The following DYNC2I2 variants were observed in gnomAD, a reference collection of about 807,000 sequenced individuals.
DYNC2I2 encodes the protein dynein 2 intermediate chain 2.
In DYNC2I2, 39 loss-of-function variants were observed where a neutral mutation model predicts 52.0. The ratio of observed to expected loss-of-function variants is 0.75; its 90% CI spans 0.58 to 0.98. DYNC2I2 has a LOEUF of 0.98. Among genes scored for constraint, DYNC2I2 ranks in the 50% least tolerant of loss-of-function variants. The pLI, the probability that DYNC2I2 is intolerant of heterozygous loss-of-function variation, is 0.00. For missense variants in DYNC2I2, 743 were observed against 728.4 expected, an observed-to-expected ratio of 1.02 and a Z score of -0.23; for synonymous variants, 359 against 321.1, an observed-to-expected ratio of 1.12 and a Z score of -1.26.
intron 2 of DYNC2I2, among the ~76,000 whole-genome samples, chr9:128,640,101 G>A (rs905605471): frequency 4.8e-5 from 7 of 145,154 alleles, no homozygotes; most frequent in South Asian, 2.1e-4. Flanking sequence ...TCCACCTCCC[G>A]GGCTCACGCC....
chr9:128,662,190 G>A, the DYNC2I2 span, among the ~76,000 whole-genome samples: 3 of 151,112 alleles, frequency 2.0e-5, no homozygotes, highest in African/African-American at 4.9e-5. Context: ...CCGAGATTGC[G>A]CCATTGCACT....
At chr9:128,641,069 G>T (rs1317477133) in intron 1 of DYNC2I2, 130 bp from the exon 2 acceptor site, 1 of 1,397,484 alleles carries the variant, frequency 7.2e-7, no homozygotes, top group East Asian at 2.5e-5. Flanking sequence ...GCCTCTCTCA[G>T]TGAGGTCTTG....
chr9:128,675,073 A>G, the DYNC2I2 span, among the ~76,000 whole-genome samples: 2 of 152,198 alleles, frequency 1.3e-5, no homozygotes, highest in East Asian at 3.9e-4. Flanking sequence ...CACTAAGGCT[A>G]TGTTGGTATA....
At chr9:128,675,338 C>G in the DYNC2I2 span, among the ~76,000 whole-genome samples, 2 of 152,010 alleles carry the variant, frequency 1.3e-5, no homozygotes, top group African/African-American at 4.8e-5. Flanking sequence ...CCACCATGCC[C>G]AGCCAATTTT....
chr9:128,667,763 T>C, the DYNC2I2 span, among the ~76,000 whole-genome samples: 2 of 148,568 alleles, frequency 1.3e-5, no homozygotes, highest in African/African-American at 5.0e-5. Flanking sequence ...AGAGGGAGTC[T>C]CACCCTGTTG....
chr9:128,677,300 A>C, the DYNC2I2 span, among the ~76,000 whole-genome samples: 7 of 152,210 alleles, frequency 4.6e-5, no homozygotes, highest in African/African-American at 1.7e-4. Context: ...CCTATCCAAC[A>C]TAGTGAAACT....
chr9:128,648,103 C>G (rs901729722), intron 1 of DYNC2I2, among the ~76,000 whole-genome samples: 1 of 152,172 alleles, frequency 6.6e-6, no homozygotes, highest in Non-Finnish European at 1.5e-5. Context: ...CCAGACTTCT[C>G]TGACTGAATG....
At chr9:128,668,855 G>A in the DYNC2I2 span, among the ~76,000 whole-genome samples, 1 of 150,412 alleles carries the variant, frequency 6.6e-6, no homozygotes, top group African/African-American at 2.4e-5. Context: ...GAAAGATCAA[G>A]TGCCTTGAAT....
In DYNC2I2 at chr9:128,650,433, C is replaced by T. The variant is rs1340685825; in HGVS notation, c.186+6108G>A. 3.1e-4 allele frequency among the ~76,000 whole-genome samples: 17 copies of T among 54,154 alleles called. 7 individuals carry two copies. 35.5% of individuals were successfully genotyped at this position (54,154 alleles called of 152,430 possible). On this transcript the variant is annotated intron_variant, in intron 1 of 8. Transcript: ENST00000372715. ...CCAAGCCACTGATAAAAAGGATCTG[C>T]ACCCTCAAACTCAGATCGAAAATTA...
chr9:128,651,801 G>A (rs1429479269), intron 1 of DYNC2I2: 2 of 148,972 alleles, frequency 1.3e-5, no homozygotes, highest in Admixed American at 6.7e-5. Context: ...TGTAATCCCA[G>A]CTACTCAGGA....
the DYNC2I2 span, among the ~76,000 whole-genome samples, chr9:128,675,168 T>A: frequency 1.3e-5 from 2 of 151,972 alleles, no homozygotes; most frequent in South Asian, 4.2e-4. Context: ...CTTTGAGTCT[T>A]TATTTATTTT....
rs34154610 is a variant in DYNC2I2 at position 128,649,688 on chromosome 9, C to CAAAAAAAA, written c.186+6845_186+6852dup. On this transcript the variant is annotated intron_variant, in intron 1 of 8. Coordinates refer to ENST00000372715, the MANE Select transcript of DYNC2I2 (RefSeq NM_052844.4). ...TGGGCAAGACAGTGAGACTCCATCTCAAAAAAAAAAAAAAAAAAAAACTGG... is the reference window on the plus strand; with the variant it reads ...TGGGCAAGACAGTGAGACTCCATCTCAAAAAAAAAAAAAAAAAAAAAAAAAAAAACTGG... Among the ~76,000 whole-genome samples the CAAAAAAAA allele has an allele frequency of 6.2e-3, 292 of 47,188 alleles. 23 individuals carry two copies. Among genetic ancestry groups the CAAAAAAAA allele is most frequent in the African/African-American group, 0.022 (158 of 7,300 alleles). The allele number at this position is 47,188 out of a possible 152,430, so 31.0% of individuals were successfully genotyped here. A position where few individuals can be genotyped will look rare whatever the true frequency, so the allele number is the denominator to read the frequency against.
the DYNC2I2 span, among the ~76,000 whole-genome samples, chr9:128,668,249 A>G: frequency 0.059 from 7,843 of 131,924 alleles, 349 homozygotes; most frequent in African/African-American, 0.14. Context: ...GTGAGCCACC[A>G]CGCCCGGCCA....
chr9:128,643,236 T>G (rs539684235), intron 1 of DYNC2I2, among the ~76,000 whole-genome samples: 17 of 151,624 alleles, frequency 1.1e-4, no homozygotes, highest in African/African-American at 3.9e-4. Context: ...CAATTAAAAA[T>G]TTGCCAGAAG....
chr9:128,643,636 G>A (rs754977146), intron 1 of DYNC2I2, among the ~76,000 whole-genome samples: 6 of 151,798 alleles, frequency 4.0e-5, no homozygotes, highest in Non-Finnish European at 8.8e-5. Context: ...AGGCTGCAGT[G>A]AGCAGTTGAT....
chr9:128,674,988 A>G, the DYNC2I2 span, among the ~76,000 whole-genome samples: 2 of 152,098 alleles, frequency 1.3e-5, no homozygotes, highest in Non-Finnish European at 2.9e-5. Context: ...AGGCCCCGTC[A>G]GAGCTGATCT....
rs541309511 is a variant in DYNC2I2 at position 128,634,390 on chromosome 9, G to A, written c.1215-7C>T. ...AGCGCTCAGGAAGAGATTCCTAGAC[G>A]GGATGCAGGGGGCCAGGCAAGGGAA... On this transcript the variant is annotated splice_region_variant and splice_polypyrimidine_tract_variant and intron_variant, in intron 7 of 8. Transcript: ENST00000372715. The A allele has an allele frequency of 3.8e-6, 6 of 1,567,504 alleles. No individual in the cohort carries two copies. The highest frequency in any genetic ancestry group is 2.7e-5 in the African/African-American group (2 of 73,670).
chr9:128,636,239 G>A lies in DYNC2I2; in HGVS notation c.703+42C>T, dbSNP rs73623567. ...TGTGCCCTCTGCAGGGCGGGAAGCT[G>A]AGTCCTGAGAGGAGAGGAGGCGGAC... On this transcript the variant is annotated intron_variant, in intron 4 of 8. Coordinates refer to ENST00000372715, the MANE Select transcript of DYNC2I2 (RefSeq NM_052844.4). 8.8e-5 allele frequency: 136 copies of A among 1,552,188 alleles called. No individual in the cohort carries two copies. In the Admixed American group the frequency reaches 2.6e-3, roughly 29 times the overall value.
chr9:128,661,323 A>C (rs35313482), upstream of DYNC2I2, among the ~76,000 whole-genome samples: 4 of 148,462 alleles, frequency 2.7e-5, no homozygotes, highest in East Asian at 2.0e-4. Context: ...AAAAAAAAAA[A>C]CAAAAAGAAA....
Sources: allele counts gnomAD v4.1 joint callset (sites outside exome capture counted in the v4.1 genomes callset), GRCh38; gene constraint gnomAD v4.1.1; transcripts MANE v1.5; gene names NCBI Gene and HGNC (gene_info 2026-07-23, HGNC 2026-07-21).